Variants in XIRP2 observed in about 807,000 individuals in gnomAD.
XIRP2 encodes the protein xin actin-binding repeat-containing protein 2.
XIRP2 carries 236 observed loss-of-function variants against 277.0 expected under a neutral mutation model. The ratio of observed to expected loss-of-function variants is 0.85; its 90% CI spans 0.77 to 0.95. XIRP2 has a LOEUF of 0.95. XIRP2 is among the 40% of genes least tolerant of loss of function. The probability of loss-of-function intolerance (pLI) is 0.00; values close to 1 mark genes in which losing one functional copy is unlikely to be tolerated. For missense variants in XIRP2, 4,640 were observed against 4,157.5 expected (o/e 1.12, Z -3.19); for synonymous variants, 1,490 against 1,416.5 (o/e 1.05, Z -1.17).
At position 167,244,717 on chromosome 2, in the gene XIRP2, A is replaced by T; in HGVS notation, c.3325A>T (p.Lys1109Ter). 6.2e-7 allele frequency: 1 copy of T among 1,613,140 alleles called. No individual in the cohort carries two copies. The highest frequency in any genetic ancestry group is 8.5e-7 in the Non-Finnish European group (1 of 1,179,634). The change falls in exon 9 of 11, where the codon AAA becomes TAA. Residue 1109 changes from lysine (K) to a stop codon, truncating the protein, a stop_gained. Coordinates refer to ENST00000409195, the MANE Select transcript of XIRP2 (RefSeq NM_152381.6). LOFTEE classifies it high-confidence loss of function. ...CCAGCCAATGGAGTCTCTTTATGAA[A>T]AAGTTTCGTTAATGACCAGCAGTGA... is the stretch of plus-strand genomic sequence containing the variant. The part of the protein sequence containing the change: ...ETQPMESLYE[K>*]VSLMTSSEEI...
intron 4 of XIRP2, among the ~76,000 whole-genome samples, chr2:167,214,434 G>GCT (rs1262676487): frequency 6.8e-6 from 1 of 147,074 alleles, no homozygotes; most frequent in East Asian, 2.1e-4. Flanking sequence ...CCGAGATCGT[G>GCT]CTGCTGCACT....
In XIRP2 at chr2:166,944,908, A is replaced by T. The variant is rs1685812567; in HGVS notation, c.408+41018A>T. 2.0e-5 allele frequency among the ~76,000 whole-genome samples: 3 copies of T among 149,326 alleles called. No homozygotes were observed. In the South Asian group the frequency reaches 6.5e-4, roughly 32 times the overall value. On this transcript the variant is annotated intron_variant, in intron 2 of 10. Transcript: ENST00000409195. ...ATCATGTACCGAATCTTCAGGCAAA[A>T]GTGATTCAAATGCTGCTGGTTCCTG...
chr2:167,179,239 A>T (rs1430795141), intron 3 of XIRP2, among the ~76,000 whole-genome samples: 1 of 151,786 alleles, frequency 6.6e-6, no homozygotes, highest in Admixed American at 6.6e-5. Context: ...TTTACTCTTA[A>T]CTTGGAATCT....
intron 2 of XIRP2, among the ~76,000 whole-genome samples, chr2:166,924,910 A>C (rs1685143773): frequency 6.6e-6 from 1 of 152,106 alleles, no homozygotes; most frequent in Non-Finnish European, 1.5e-5. Context: ...TTAACGCAAA[A>C]GCAAGAAAAG....
At chr2:167,129,042 A>G (rs1409274689) in intron 2 of XIRP2, among the ~76,000 whole-genome samples, 2 of 152,154 alleles carry the variant, frequency 1.3e-5, no homozygotes, top group Non-Finnish European at 2.9e-5. Flanking sequence ...ACATAGTGGG[A>G]GAAGGTACAG....
chr2:166,962,966 G>A (rs1481376406), intron 2 of XIRP2, among the ~76,000 whole-genome samples: 1 of 151,528 alleles, frequency 6.6e-6, no homozygotes, highest in Non-Finnish European at 1.5e-5. Flanking sequence ...GATGACTATG[G>A]TTAACAATAA....
At chr2:167,079,091 G>T (rs1689659377) in intron 2 of XIRP2, among the ~76,000 whole-genome samples, 1 of 152,148 alleles carries the variant, frequency 6.6e-6, no homozygotes, top group South Asian at 2.1e-4. Flanking sequence ...TTTATTGAAT[G>T]CTTTTCCCAC....
rs1695442343 is a variant in XIRP2, at chr2:167,250,317, AT to A, written c.8928del (p.Gln2977ArgfsTer4). The A allele has an allele frequency of 1.9e-6, 3 of 1,613,392 alleles. No individual in the cohort carries two copies. The highest frequency in any genetic ancestry group is 2.5e-6 in the Non-Finnish European group (3 of 1,179,650). The part of the protein sequence containing the change: ...AEPNKSGLKT[F>X]QTLLNTIPGW... ...AGCCAAATAAAAGTGGCCTTAAAAC[AT>A]TTCAGACACTATTAAATACTATCCC... On this transcript the variant is annotated frameshift_variant, in exon 9 of 11. Transcript: ENST00000409195. LOFTEE classifies it high-confidence loss of function.
intron 2 of XIRP2, among the ~76,000 whole-genome samples, chr2:167,023,429 T>C (rs1333724748): frequency 2.0e-5 from 3 of 152,012 alleles, no homozygotes; most frequent in Non-Finnish European, 4.4e-5. Flanking sequence ...GATGGTAGTT[T>C]CTTTTGCTGT....
chr2:166,956,707 A>G (rs1482133863), intron 2 of XIRP2, among the ~76,000 whole-genome samples: 1 of 151,828 alleles, frequency 6.6e-6, no homozygotes, highest in Non-Finnish European at 1.5e-5. Flanking sequence ...TGGTTTCAAG[A>G]TGGCTGGTCC....
intron 2 of XIRP2, among the ~76,000 whole-genome samples, chr2:166,997,994 AG>A (rs1294817419): frequency 6.6e-6 from 1 of 152,124 alleles, no homozygotes; most frequent in Non-Finnish European, 1.5e-5. Context: ...CATCACATAG[AG>A]TTACAATTTA....
chr2:166,954,691 G>A (rs1686119589), intron 2 of XIRP2, among the ~76,000 whole-genome samples: 1 of 151,896 alleles, frequency 6.6e-6, no homozygotes, highest in Non-Finnish European at 1.5e-5. Context: ...GTGATAGACT[G>A]GATAAAGAAA....
chr2:167,021,343 T>A (rs1481174406), intron 2 of XIRP2, among the ~76,000 whole-genome samples: 5 of 152,030 alleles, frequency 3.3e-5, no homozygotes, highest in East Asian at 1.9e-4. Context: ...GGCAGAAAAA[T>A]TGTATGGTGA....
At chr2:167,071,571 A>G (rs1426873372) in intron 2 of XIRP2, among the ~76,000 whole-genome samples, 3 of 152,176 alleles carry the variant, frequency 2.0e-5, no homozygotes, top group Non-Finnish European at 4.4e-5. Flanking sequence ...TTCTGAACGT[A>G]AAGGCAATTC....
At chr2:167,206,758 G>C (rs1347508131) in intron 3 of XIRP2, among the ~76,000 whole-genome samples, 3 of 152,106 alleles carry the variant, frequency 2.0e-5, no homozygotes, top group African/African-American at 4.8e-5. Flanking sequence ...ATCCAGTATT[G>C]TCAATTGTAT....
At chr2:167,180,238 C>T (rs974496965) in intron 3 of XIRP2, among the ~76,000 whole-genome samples, 1 of 152,028 alleles carries the variant, frequency 6.6e-6, no homozygotes, top group Non-Finnish European at 1.5e-5. Context: ...TCAGATCTTA[C>T]TTCACCTCAA....
At chr2:167,097,717 T>A (rs57825910) in intron 2 of XIRP2, among the ~76,000 whole-genome samples, 2 of 152,246 alleles carry the variant, frequency 1.3e-5, no homozygotes, top group South Asian at 2.1e-4. Flanking sequence ...TATTTGTTGC[T>A]TCCTTCAGGA....
At chr2:167,142,025 C>T (rs1451324584) in intron 3 of XIRP2, among the ~76,000 whole-genome samples, 1 of 152,116 alleles carries the variant, frequency 6.6e-6, no homozygotes, top group African/African-American at 2.4e-5. Flanking sequence ...AGGAAACATA[C>T]CGCAGTAAAA....
At chr2:167,090,901 C>A (rs773798659) in intron 2 of XIRP2, among the ~76,000 whole-genome samples, 2 of 152,094 alleles carry the variant, frequency 1.3e-5, no homozygotes, top group African/African-American at 2.4e-5. Flanking sequence ...CCTGACAACA[C>A]CACCCTACTG....
Sources: allele counts gnomAD v4.1 joint callset (sites outside exome capture counted in the v4.1 genomes callset), GRCh38; gene constraint gnomAD v4.1.1; transcripts MANE v1.5; gene names NCBI Gene and HGNC (gene_info 2026-07-23, HGNC 2026-07-21).